Variants in ZNF451 observed in about 807,000 individuals in gnomAD.
The protein encoded by ZNF451 is E3 SUMO-protein ligase ZNF451.
A neutral mutation model predicts 107.1 loss-of-function variants in ZNF451; 80 were observed. The ratio of observed to expected loss-of-function variants is 0.75; its 90% confidence interval spans 0.62 to 0.90. The LOEUF (loss-of-function observed/expected upper bound fraction) is 0.90, where lower values mean the gene tolerates loss of function less well. Among genes scored for constraint, ZNF451 ranks in the 40% least tolerant of loss-of-function variants. ZNF451 has a pLI of 0.00. For synonymous variants in ZNF451, 362 were observed against 406.5 expected (o/e 0.89, Z 1.32); for missense variants, 1,107 against 1,236.2 (o/e 0.90, Z 1.57).
intron 2 of ZNF451, among the ~76,000 whole-genome samples, chr6:57,092,085 G>T (rs570698791): frequency 9.9e-5 from 15 of 152,178 alleles, no homozygotes; most frequent in Middle Eastern, 6.8e-3. Flanking sequence ...GGTTTCCATG[G>T]CTCTTGAGGA....
At chr6:57,106,939 A>T in intron 3 of ZNF451, 1 of 930,166 alleles carries the variant, frequency 1.1e-6, no homozygotes, top group Non-Finnish European at 1.3e-6. Flanking sequence ...AAACCATTAA[A>T]ATATTATTTT....
chr6:57,168,552 A>G lies in ZNF451; in HGVS notation c.*83A>G. 1 of 1,036,120 alleles carries G rather than the reference A, an allele frequency of 9.7e-7. No individual in the cohort carries two copies. Among genetic ancestry groups the G allele is most frequent in the East Asian group, 2.4e-5 (1 of 40,878 alleles). The allele number at this position is 1,036,120 out of a possible 1,614,324, so 64.2% of individuals were successfully genotyped here. ...TTGAGTTTGTTTTCTAAAGGAGACC[A>G]GAAATCCACTATTACAAATGTATTT... On this transcript the variant is annotated 3_prime_UTR_variant, in exon 15 of 15. Coordinates refer to ENST00000370706, the MANE Select transcript of ZNF451 (RefSeq NM_001031623.3).
At chr6:57,126,296 ACTCACATAGCAAGCTCATTG>A (rs1830925003) in intron 4 of ZNF451, among the ~76,000 whole-genome samples, 2 of 152,010 alleles carry the variant, frequency 1.3e-5, no homozygotes, top group South Asian at 4.1e-4. Context: ...GAAGAAAATG[ACTCACATAGCAAGCTCATTG>A]CTTGCTATCC....
At chr6:57,145,340 T>A (rs114410793) in intron 9 of ZNF451, among the ~76,000 whole-genome samples, 2,556 of 152,264 alleles carry the variant, frequency 0.017, 27 homozygotes, top group Middle Eastern at 0.054. Flanking sequence ...ACGAGTGCAG[T>A]TTTGTTACAT....
rs1562621659 is a variant in ZNF451, at chr6:57,147,583, T to C, written c.1498T>C (p.Cys500Arg). Residue 500 changes from cysteine to arginine, a missense_variant, in exon 10 of 15, where the codon TGT becomes CGT. By Grantham distance (180) the Cys-to-Arg change is radical. Coordinates refer to ENST00000370706, the MANE Select transcript of ZNF451 (RefSeq NM_001031623.3). Reference protein sequence around the residue: ...VFSANTMGYKCVVCGKVCDDS... With the variant: ...VFSANTMGYKRVVCGKVCDDS... ...CTCAGCAAACACAATGGGTTATAAA[T>C]GTGTGGTCTGTGGAAAGGTATGTGA... is the stretch of plus-strand genomic sequence containing the variant. 1 of 1,614,122 alleles carries C rather than the reference T, an allele frequency of 6.2e-7. No individual in the cohort carries two copies. The highest frequency in any genetic ancestry group is 8.5e-7 in the Non-Finnish European group (1 of 1,179,990).
At position 57,134,795 on chromosome 6, in the gene ZNF451, C is replaced by T. The variant is rs756641829; in HGVS notation, c.627C>T (p.Phe209=). 1 of 1,613,124 alleles carries T rather than the reference C, an allele frequency of 6.2e-7. No individual in the cohort carries two copies. Among genetic ancestry groups the T allele is most frequent in the Non-Finnish European group, 8.5e-7 (1 of 1,179,592 alleles). The change falls in exon 7 of 15, where the codon TTC becomes TTT. Residue 209 remains phenylalanine (F), a synonymous_variant. Transcript: ENST00000370706. ...CAATTACACTACATGGACCTTTCTTCAGCTCCTTTGCTTGTGTAGTATGTT... is the reference window on the plus strand; with the variant it reads ...CAATTACACTACATGGACCTTTCTTTAGCTCCTTTGCTTGTGTAGTATGTT... The part of the protein sequence containing the change: ...DPTITLHGPF[F]SSFACVVCYK...
chr6:57,103,963 A>G (rs1829726498), intron 3 of ZNF451: 1 of 985,352 alleles, frequency 1.0e-6, no homozygotes, highest in Non-Finnish European at 1.2e-6. Flanking sequence ...TTACTTTATC[A>G]GTTAATTTCA....
chr6:57,161,281 G>T (rs1763663475), intron 14 of ZNF451, 129 bp downstream of exon 14: 1 of 515,896 alleles, frequency 1.9e-6, no homozygotes. Context: ...TTCTCAGTTT[G>T]GATAGCTTTG....
chr6:57,109,459 G>A (rs1014511103), intron 3 of ZNF451: 1 of 985,402 alleles, frequency 1.0e-6, no homozygotes, highest in Non-Finnish European at 1.2e-6. Flanking sequence ...CTCAAATGAG[G>A]TAATATCCGA....
chr6:57,102,500 T>C, intron 3 of ZNF451: 4 of 992,380 alleles, frequency 4.0e-6, no homozygotes, highest in Non-Finnish European at 4.8e-6. Context: ...GATGTCTGTT[T>C]ACTAAGACCA....
chr6:57,130,076 G>C (rs1315557939), intron 5 of ZNF451, among the ~76,000 whole-genome samples: 1 of 152,076 alleles, frequency 6.6e-6, no homozygotes, highest in Non-Finnish European at 1.5e-5. Flanking sequence ...TGGGCACAAA[G>C]ACCAAATCTT....
At chr6:57,094,305 A>C (rs1337026215) in intron 2 of ZNF451, among the ~76,000 whole-genome samples, 1 of 151,848 alleles carries the variant, frequency 6.6e-6, no homozygotes, top group Admixed American at 6.6e-5. Flanking sequence ...TTTTATTTTT[A>C]TTTAATTTTT....
At position 57,141,347 on chromosome 6, in the gene ZNF451, A is replaced by T; in HGVS notation, c.748A>T (p.Ile250Phe). ...TAACAACAACCTTCTTCCTCAGATTATTCAGTGTTTTGCATGTCCAAATTG... is the reference window on the plus strand; with the variant it reads ...TAACAACAACCTTCTTCCTCAGATTTTTCAGTGTTTTGCATGTCCAAATTG... ...GHNNNLLPQI[I>F]QCFACPNCFL... Residue 250 changes from isoleucine (I) to phenylalanine (F), a missense_variant, in exon 8 of 15, where the codon ATT (isoleucine) becomes TTT (phenylalanine). Physicochemically the swap from Ile to Phe is conservative, Grantham distance 21. Around this residue, in one of 5 missense-constraint regions of ZNF451, gnomAD observed 339 missense variants for 372.8 expected, o/e 0.91. Transcript: ENST00000370706. 1 of 1,613,082 alleles carries T rather than the reference A, an allele frequency of 6.2e-7. No individual in the cohort carries two copies. Among genetic ancestry groups the T allele is most frequent in the Non-Finnish European group, 8.5e-7 (1 of 1,179,490 alleles).
At chr6:57,104,707 C>G in intron 3 of ZNF451, 1 of 985,302 alleles carries the variant, frequency 1.0e-6, no homozygotes, top group South Asian at 4.7e-5. Context: ...CTCCTCCATT[C>G]TTAAATATTT....
At chr6:57,133,252 A>C (rs1831269464) in intron 6 of ZNF451, 60 bp downstream of exon 6, 6 of 1,511,810 alleles carry the variant, frequency 4.0e-6, no homozygotes, top group Non-Finnish European at 5.4e-6. Context: ...AAGTGATTTC[A>C]TAAAATGAAA....
intron 3 of ZNF451, chr6:57,124,450 AC>A: frequency 1.4e-6 from 1 of 716,416 alleles, no homozygotes; most frequent in Non-Finnish European, 2.6e-6. Flanking sequence ...TTGCCTGATG[AC>A]CCTACCTCTC....
intron 3 of ZNF451, chr6:57,108,555 G>T (rs1250564570): frequency 1.0e-6 from 1 of 985,142 alleles, no homozygotes; most frequent in Admixed American, 6.2e-5. Flanking sequence ...TCTAACTACT[G>T]TTAGGTATGC....
intron 11 of ZNF451, chr6:57,151,992 C>A: frequency 2.4e-6 from 1 of 420,470 alleles, no homozygotes; most frequent in Non-Finnish European, 4.2e-6. Flanking sequence ...TGCCTAATAT[C>A]CATGTGAGTT....
At chr6:57,132,625 G>A (rs1427632147) in intron 5 of ZNF451, among the ~76,000 whole-genome samples, 1 of 151,882 alleles carries the variant, frequency 6.6e-6, no homozygotes, top group Non-Finnish European at 1.5e-5. Context: ...AATGAAGGGA[G>A]TAGGGGCGTA....
Sources: gnomAD v4.1 joint callset for allele counts (sites outside exome capture counted in the v4.1 genomes callset) on GRCh38, gnomAD v4.1.1 for gene constraint, gnomAD v4.1.1 regional missense constraint, MANE v1.5 for transcripts, NCBI Gene and HGNC (gene_info 2026-07-23, HGNC 2026-07-21) for gene names.